The following INTS6 variants were observed in gnomAD, a reference collection of about 807,000 sequenced individuals.
INTS6 encodes the protein DEAD box protein.
INTS6 carries 16 observed loss-of-function variants against 104.9 expected under a neutral mutation model. The ratio of observed to expected loss-of-function variants is 0.15; its 90% CI spans 0.10 to 0.23. The LOEUF (loss-of-function observed/expected upper bound fraction) is 0.23. INTS6 is among the 10% of genes least tolerant of loss of function. The probability of loss-of-function intolerance (pLI) is 1.00; values close to 1 mark genes in which losing one functional copy is unlikely to be tolerated. For missense variants in INTS6, 584 were observed against 1,062.8 expected (o/e 0.55, Z 6.26); for synonymous variants, 324 against 358.7 (o/e 0.90, Z 1.09).
the INTS6 span, chr13:51,348,475 A>C: frequency 1.4e-6 from 2 of 1,413,808 alleles, no homozygotes; most frequent in African/African-American, 1.4e-5. Context: ...GTGGATTTGC[A>C]CACAGGTGGT....
chr13:51,382,302 C>A (rs1956066208), intron 9 of INTS6, among the ~76,000 whole-genome samples, 179 bp from the exon 10 acceptor site: 1 of 152,080 alleles, frequency 6.6e-6, no homozygotes, highest in Non-Finnish European at 1.5e-5. Flanking sequence ...TGAAAAGATG[C>A]CAATTATGGT....
chr13:51,443,334 G>C (rs1952831798), intron 3 of INTS6: 1 of 152,118 alleles, frequency 6.6e-6, no homozygotes, highest in Admixed American at 6.5e-5. Context: ...AAACTTGTCA[G>C]TAGATGCAAA....
At chr13:51,443,299 TAATAA>T (rs913255149) in intron 3 of INTS6, 5 of 152,084 alleles carry the variant, frequency 3.3e-5, no homozygotes, top group Non-Finnish European at 7.4e-5. Context: ...ATGAAAATAA[TAATAA>T]AACACAGAAA....
In INTS6 at chr13:51,411,843, T is replaced by C. The variant is rs565288459; in HGVS notation, c.430-16360A>G. On this transcript the variant is annotated intron_variant, in intron 4 of 17. Coordinates refer to ENST00000311234, the MANE Select transcript of INTS6 (RefSeq NM_012141.3). ...GTATACACCCAAAAGAAATAAAACA[T>C]AGGTCTACAAAAAGACTTGTATACC... is the stretch of plus-strand genomic sequence containing the variant. 3.9e-5 allele frequency among the ~76,000 whole-genome samples: 6 copies of C among 152,326 alleles called. No homozygotes were observed. In the East Asian group the frequency reaches 9.6e-4, roughly 24 times the overall value.
At chr13:51,344,385 C>T in the INTS6 span, 18 of 1,612,816 alleles carry the variant, frequency 1.1e-5, no homozygotes, top group East Asian at 8.9e-5. Context: ...TTGTGGAGCA[C>T]GTCTCCTGGT....
chr13:51,395,202 G>T (rs75947908), intron 5 of INTS6, 98 bp downstream of exon 5: 15,347 of 1,198,278 alleles, frequency 0.013, 239 homozygotes, highest in East Asian at 0.067. Flanking sequence ...ATTAACTTGT[G>T]AAATAAAAAC....
chr13:51,448,604 G>A (rs1379359703), intron 3 of INTS6: 2 of 152,156 alleles, frequency 1.3e-5, no homozygotes, highest in Admixed American at 1.3e-4. Flanking sequence ...TAATAGTCTT[G>A]TAATTAGTTA....
chr13:51,397,458 T>A (rs1242448523), intron 4 of INTS6, among the ~76,000 whole-genome samples: 1 of 152,170 alleles, frequency 6.6e-6, no homozygotes, highest in Non-Finnish European at 1.5e-5. Flanking sequence ...AGAGAAGGAA[T>A]GCTGAAGAAA....
chr13:51,437,480 A>T (rs943879526), intron 3 of INTS6: 1 of 152,196 alleles, frequency 6.6e-6, no homozygotes, highest in Non-Finnish European at 1.5e-5. Context: ...ATTCACACAC[A>T]CAACTGTCCT....
Position 51,452,381 on chromosome 13 carries a change from C to G in INTS6, c.111+34G>C, listed in dbSNP as rs2138188756. Reference sequence around the variant, plus strand: ...ACCCTGCCGCCCGCGGGCCGCCGGGCCGGGGTCGCCGCCCGGGCTCGGTCA... The same window carrying G: ...ACCCTGCCGCCCGCGGGCCGCCGGGGCGGGGTCGCCGCCCGGGCTCGGTCA... On this transcript the variant is annotated intron_variant, in intron 1 of 17. Coordinates refer to ENST00000311234, the MANE Select transcript of INTS6 (RefSeq NM_012141.3). The surrounding 1 kb of genome is among the most constrained non-coding windows in gnomAD (Gnocchi z 4.2). The G allele has an allele frequency of 6.6e-7, 1 of 1,523,734 alleles. No homozygotes were observed. The allele number at this position is 1,523,734 out of a possible 1,614,324, so 94.4% of individuals were successfully genotyped here.
chr13:51,337,062 G>A, the INTS6 span, among the ~76,000 whole-genome samples: 1 of 152,166 alleles, frequency 6.6e-6, no homozygotes. Flanking sequence ...ACCATGTGCT[G>A]GGCTACCTTG....
intron 3 of INTS6, among the ~76,000 whole-genome samples, chr13:51,430,865 G>C (rs73492267): frequency 0.011 from 1,601 of 152,218 alleles, 32 homozygotes; most frequent in African/African-American, 0.036. Context: ...TAAATGATTT[G>C]AAAGATTTTA....
chr13:51,431,923 TATTAC>T (rs149909865), intron 3 of INTS6, among the ~76,000 whole-genome samples: 2,984 of 152,186 alleles, frequency 0.02, 82 homozygotes, highest in African/African-American at 0.066. Flanking sequence ...TTTGGGGAAT[TATTAC>T]ATTACATTAT....
At chr13:51,450,910 A>G in intron 3 of INTS6, 115 bp downstream of exon 3, 2 of 1,347,072 alleles carry the variant, frequency 1.5e-6, no homozygotes, top group Non-Finnish European at 1.9e-6. Flanking sequence ...TGCATATTCT[A>G]TTTTAATTTG....
Position 51,452,133 on chromosome 13 carries a change from A to T in INTS6, c.112-78T>A. ...GTTACGAGGCGGAGAAGGGGCGCCC[A>T]GCGGCCCCGCCGCCCCCACAGTACC... On this transcript the variant is annotated intron_variant, in intron 1 of 17. Transcript: ENST00000311234. The surrounding 1 kb of genome is among the most constrained non-coding windows in gnomAD (Gnocchi z 4.2). The T allele has an allele frequency of 7.3e-7, 1 of 1,369,990 alleles. No individual in the cohort carries two copies. Among genetic ancestry groups the T allele is most frequent in the Non-Finnish European group, 1.0e-6 (1 of 979,000 alleles). 84.9% of individuals were successfully genotyped at this position (1,369,990 alleles called of 1,614,324 possible). A position where few individuals can be genotyped will look rare whatever the true frequency, so the allele number is the denominator to read the frequency against.
At chr13:51,424,279 A>G (rs1956948055) in intron 4 of INTS6, among the ~76,000 whole-genome samples, 1 of 152,046 alleles carries the variant, frequency 6.6e-6, no homozygotes, top group East Asian at 1.9e-4. Context: ...GTGGCCATAC[A>G]GCTTTGTTAG....
chr13:51,440,270 A>T (rs993889115), intron 3 of INTS6: 10 of 152,110 alleles, frequency 6.6e-5, no homozygotes, highest in Admixed American at 3.9e-4. Flanking sequence ...AAAAGTTTTT[A>T]AAAAAATAAC....
At chr13:51,357,608 T>G (rs1413734816), downstream of INTS6, among the ~76,000 whole-genome samples, 5 of 152,140 alleles carry the variant, frequency 3.3e-5, no homozygotes, top group African/African-American at 1.2e-4. Context: ...ATATTTTTTT[T>G]GCTGCCTTAA....
chr13:51,365,263 C>T lies in INTS6; in HGVS notation c.*489G>A, dbSNP rs984619620. On this transcript the variant is annotated 3_prime_UTR_variant, in exon 18 of 18. Coordinates refer to ENST00000311234, the MANE Select transcript of INTS6 (RefSeq NM_012141.3). ...ATTTATTGATGGAATAACAAAAGTG[C>T]TTTTCTTAAATATTCTTCAAAATAC... 6.6e-5 allele frequency: 10 copies of T among 152,476 alleles called. No homozygotes were observed. Among genetic ancestry groups the T allele is most frequent in the African/African-American group, 2.2e-4 (9 of 41,410 alleles). 9.4% of individuals were successfully genotyped at this position (152,476 alleles called of 1,614,324 possible). A position where few individuals can be genotyped will look rare whatever the true frequency, so the allele number is the denominator to read the frequency against.
Sources: gnomAD v4.1 joint callset for allele counts (sites outside exome capture counted in the v4.1 genomes callset) on GRCh38, gnomAD v4.1.1 for gene constraint, Gnocchi (gnomAD v3.1) non-coding constraint, MANE v1.5 for transcripts, NCBI Gene and HGNC (gene_info 2026-07-23, HGNC 2026-07-21) for gene names.